The following PIGU variants were observed in gnomAD, a reference collection of about 807,000 sequenced individuals.
PIGU encodes GPI-anchor transamidase component PIGU.
Under a neutral mutation model 49.9 loss-of-function variants are expected in PIGU, and 24 were observed. That is an observed-to-expected ratio of 0.48 (90% CI 0.35 to 0.68). The LOEUF (loss-of-function observed/expected upper bound fraction) is 0.68, where lower values mean the gene tolerates loss of function less well. PIGU is among the 30% of genes least tolerant of loss of function. The pLI is 0.01. For synonymous variants in PIGU, 220 were observed against 205.7 expected, an observed-to-expected ratio of 1.07 and a Z score of -0.59; for missense variants, 490 against 532.6, an observed-to-expected ratio of 0.92 and a Z score of 0.79.
Position 34,637,945 on chromosome 20 carries a change from G to A in PIGU, c.359C>T (p.Ala120Val). The part of the protein sequence containing the change: ...QKLLLELDQY[A>V]PDVAELIRTP... ...CCGGATGAGTTCGGCCACATCTGGGGCATACTGGTCCAGTTCTAGGAGGAG... is the reference window on the plus strand; with the variant it reads ...CCGGATGAGTTCGGCCACATCTGGGACATACTGGTCCAGTTCTAGGAGGAG... The change falls in exon 5 of 12, where the codon GCC (alanine) becomes GTC (valine). Residue 120 changes from alanine to valine, a missense_variant. Physicochemically the swap from Ala to Val is moderately conservative, Grantham distance 64. Transcript: ENST00000217446. The A allele has an allele frequency of 1.9e-6, 3 of 1,604,172 alleles. No individual in the cohort carries two copies. The highest frequency in any genetic ancestry group is 1.7e-5 in the Admixed American group (1 of 57,946).
At chr20:34,646,835 T>C (rs139320054) in intron 2 of PIGU, among the ~76,000 whole-genome samples, 1,685 of 152,234 alleles carry the variant, frequency 0.011, 28 homozygotes, top group African/African-American at 0.034. Flanking sequence ...CTTTTCTTTT[T>C]TTTTTGAGAC....
chr20:34,673,020 C>T lies in PIGU; in HGVS notation c.130+3936G>A, dbSNP rs564764600. On this transcript the variant is annotated intron_variant, in intron 1 of 11. Coordinates refer to ENST00000217446, the MANE Select transcript of PIGU (RefSeq NM_080476.5). ...CTGTCATCCCAGCACTTTGGAAGGC[C>T]GAGGCGGGTGGATCACGAGGTCAGG... 4.1e-4 allele frequency among the ~76,000 whole-genome samples: 63 copies of T among 151,964 alleles called. 1 individual carries two copies. The South Asian group carries it at 0.012, about 29-fold the overall frequency.
At chr20:34,633,193 G>A (rs1344817193) in intron 6 of PIGU, among the ~76,000 whole-genome samples, 1 of 152,228 alleles carries the variant, frequency 6.6e-6, no homozygotes, top group African/African-American at 2.4e-5. Context: ...ACCAGGTGTG[G>A]TGGTTCATGC....
intron 1 of PIGU, 77 bp downstream of exon 1, chr20:34,676,878 AC>A: frequency 6.6e-7 from 1 of 1,521,578 alleles, no homozygotes; most frequent in Non-Finnish European, 8.9e-7. Context: ...GCTGGCGGTC[AC>A]TGCCCCCGCC....
chr20:34,571,348 C>T (rs1249792485), intron 11 of PIGU, among the ~76,000 whole-genome samples: 1 of 152,070 alleles, frequency 6.6e-6, no homozygotes, highest in African/African-American at 2.4e-5. Context: ...ACTAATAATC[C>T]ACACATAATT....
chr20:34,575,150 TTG>T lies in PIGU; in HGVS notation c.1146_1147del (p.Asn383LeufsTer2). 5 of 1,613,898 alleles carry T rather than the reference TTG, an allele frequency of 3.1e-6. No individual in the cohort carries two copies. Among genetic ancestry groups the T allele is most frequent in the Non-Finnish European group, 4.2e-6 (5 of 1,179,984 alleles). On this transcript the variant is annotated frameshift_variant, in exon 11 of 12. Transcript: ENST00000217446. LOFTEE classifies it high-confidence loss of function. ...TGTGATGGCATAAAAGAAATTAGAG[TTG>T]GCACTTCCTGCATAAATCCAGAGGT...
At chr20:34,646,483 A>G (rs1986349053) in intron 2 of PIGU, among the ~76,000 whole-genome samples, 1 of 152,180 alleles carries the variant, frequency 6.6e-6, no homozygotes, top group African/African-American at 2.4e-5. Flanking sequence ...ATCTTGGCTC[A>G]GAGCAACCTC....
intron 10 of PIGU, among the ~76,000 whole-genome samples, chr20:34,579,562 C>T (rs1983376427): frequency 1.3e-5 from 2 of 152,210 alleles, no homozygotes; most frequent in South Asian, 4.1e-4. Flanking sequence ...ATGCTGCTCC[C>T]AGCTAATAAT....
chr20:34,634,613 A>C lies in PIGU; in HGVS notation c.529+2T>G. 6.2e-7 allele frequency: 1 copy of C among 1,612,282 alleles called. No individual in the cohort carries two copies. ...CTTTGTACTCTCCTTTCAGGGCCTT[A>C]CCTTTTATCGTAGTCAAAATGAAGA... On this transcript the variant is annotated splice_donor_variant, in intron 6 of 11. Transcript: ENST00000217446. LOFTEE classifies it high-confidence loss of function.
intron 5 of PIGU, 56 bp downstream of exon 5, chr20:34,637,820 A>T: frequency 6.3e-7 from 1 of 1,592,328 alleles, no homozygotes; most frequent in Non-Finnish European, 8.5e-7. Context: ...GGAAAGTCTC[A>T]TCAGATTTTC....
chr20:34,622,563 C>A (rs1179058735), intron 6 of PIGU, among the ~76,000 whole-genome samples: 1 of 152,012 alleles, frequency 6.6e-6, no homozygotes, highest in Non-Finnish European at 1.5e-5. Flanking sequence ...AAAGTCTCAG[C>A]AAGCAGGTAG....
chr20:34,592,829 A>T (rs891995846), intron 7 of PIGU, among the ~76,000 whole-genome samples: 1 of 152,188 alleles, frequency 6.6e-6, no homozygotes, highest in Non-Finnish European at 1.5e-5. Flanking sequence ...AGTTCTTAAG[A>T]GTTACCTGCT....
At chr20:34,601,946 C>G (rs1718573822) in intron 7 of PIGU, among the ~76,000 whole-genome samples, 1 of 152,182 alleles carries the variant, frequency 6.6e-6, no homozygotes, top group Admixed American at 6.5e-5. Flanking sequence ...CATCTTACCT[C>G]TTTTGCTCCA....
intron 11 of PIGU, among the ~76,000 whole-genome samples, chr20:34,573,725 C>T (rs767885321): frequency 7.2e-5 from 11 of 152,350 alleles, no homozygotes; most frequent in Middle Eastern, 3.4e-3. Context: ...TGCAATTGAG[C>T]CCTGCAGAAT....
chr20:34,562,447 A>G (rs1982563655), intron 11 of PIGU: 1 of 1,288,654 alleles, frequency 7.8e-7, no homozygotes, highest in Non-Finnish European at 1.0e-6. Context: ...TGAAGGTAAC[A>G]CAACAGCAGC....
At chr20:34,666,209 C>T (rs1987087322) in intron 1 of PIGU, among the ~76,000 whole-genome samples, 1 of 151,940 alleles carries the variant, frequency 6.6e-6, no homozygotes, top group Admixed American at 6.6e-5. Flanking sequence ...CCAGTAATAT[C>T]ATGCTGAAAA....
chr20:34,623,138 A>T (rs1476010896), intron 6 of PIGU, among the ~76,000 whole-genome samples: 2 of 152,100 alleles, frequency 1.3e-5, no homozygotes, highest in Non-Finnish European at 2.9e-5. Context: ...GAGAATAAAG[A>T]GATTGGGTCA....
At chr20:34,636,738 G>A (rs1180922176) in intron 5 of PIGU, among the ~76,000 whole-genome samples, 2 of 152,158 alleles carry the variant, frequency 1.3e-5, no homozygotes, top group Non-Finnish European at 2.9e-5. Context: ...GAAGAAACAT[G>A]CCAGTGTCTC....
chr20:34,562,369 C>A (rs1982560115), intron 11 of PIGU: 4 of 1,236,966 alleles, frequency 3.2e-6, no homozygotes, highest in African/African-American at 1.5e-5. Flanking sequence ...GGTCTTGGGG[C>A]AAGACAGGTT....
Sources: allele counts gnomAD v4.1 joint callset (sites outside exome capture counted in the v4.1 genomes callset), GRCh38; gene constraint gnomAD v4.1.1; transcripts MANE v1.5; gene names NCBI Gene and HGNC (gene_info 2026-07-23, HGNC 2026-07-21).